Variants in PACRG observed in about 807,000 individuals in gnomAD.
PACRG encodes the protein parkin coregulated.
Under a neutral mutation model 29.7 loss-of-function variants are expected in PACRG, and 29 were observed. The ratio of observed to expected loss-of-function variants is 0.98; its 90% CI spans 0.73 to 1.33. The LOEUF (loss-of-function observed/expected upper bound fraction) is 1.33, where lower values mean the gene tolerates loss of function less well. PACRG is among the 40% of genes most tolerant of loss of function. The probability of loss-of-function intolerance (pLI) is 0.00; values close to 1 mark genes in which losing one functional copy is unlikely to be tolerated. For missense variants in PACRG, 279 were observed against 316.2 expected (o/e 0.88, Z 0.89); for synonymous variants, 116 against 118.7 (o/e 0.98, Z 0.15).
chr6:163,287,804 G>A (rs1481730280), intron 4 of PACRG, among the ~76,000 whole-genome samples: 2 of 152,212 alleles, frequency 1.3e-5, no homozygotes, highest in Admixed American at 6.5e-5. Flanking sequence ...GGCGTGCGCA[G>A]TTGGGAAACC....
chr6:163,114,076 C>A (rs563938496), intron 4 of PACRG, among the ~76,000 whole-genome samples: 1 of 152,224 alleles, frequency 6.6e-6, no homozygotes, highest in African/African-American at 2.4e-5. Flanking sequence ...ATGGCAAAAC[C>A]CTGTCTCTAC....
chr6:162,860,480 C>T (rs935092381), intron 2 of PACRG, among the ~76,000 whole-genome samples: 12 of 152,342 alleles, frequency 7.9e-5, no homozygotes, highest in Admixed American at 7.8e-4. Context: ...TTGAGTCCCA[C>T]TCGCCATGTT....
chr6:162,903,541 G>C (rs1259151575), intron 2 of PACRG, among the ~76,000 whole-genome samples: 1 of 148,164 alleles, frequency 6.7e-6, no homozygotes, highest in Non-Finnish European at 1.5e-5. Flanking sequence ...CCAAGTGAAA[G>C]GGGTTTCCCC....
In PACRG at chr6:162,737,704, C is replaced by T. The variant is rs190503862; in HGVS notation, c.156+9313C>T. Among the ~76,000 whole-genome samples, 3 of 152,022 alleles carry T rather than the reference C, an allele frequency of 2.0e-5. No homozygotes were observed. The East Asian group carries it at 5.8e-4, about 29-fold the overall frequency. ...TTTATTTTAAATTTTAACATTTTAC[C>T]GGTTTAATCTTCCAAATGACCTTTT... On this transcript the variant is annotated intron_variant, in intron 1 of 4. Coordinates refer to ENST00000366888, the MANE Select transcript of PACRG (RefSeq NM_001080379.2).
intron 2 of PACRG, among the ~76,000 whole-genome samples, chr6:162,917,593 A>G (rs1338803125): frequency 1.3e-5 from 2 of 152,170 alleles, no homozygotes; most frequent in Non-Finnish European, 2.9e-5. Flanking sequence ...ATCAGAATGC[A>G]TACCCCATAG....
intron 4 of PACRG, among the ~76,000 whole-genome samples, chr6:163,116,808 C>A (rs73786981): frequency 2.0e-5 from 3 of 152,060 alleles, no homozygotes; most frequent in Non-Finnish European, 2.9e-5. Context: ...GAAGATGATT[C>A]AAAAATGACT....
At chr6:162,730,144 A>C (rs1779649422) in intron 1 of PACRG, among the ~76,000 whole-genome samples, 2 of 149,436 alleles carry the variant, frequency 1.3e-5, no homozygotes, top group South Asian at 4.2e-4. Flanking sequence ...CCCTGCCCTT[A>C]GTACTCCGAG....
chr6:162,757,927 A>G (rs1257332654), intron 1 of PACRG, among the ~76,000 whole-genome samples: 1 of 152,132 alleles, frequency 6.6e-6, no homozygotes, highest in Admixed American at 6.6e-5. Flanking sequence ...GAAAAATACC[A>G]TGTCAAATGA....
At chr6:163,249,133 A>G (rs1782807519) in intron 4 of PACRG, among the ~76,000 whole-genome samples, 1 of 152,180 alleles carries the variant, frequency 6.6e-6, no homozygotes, top group Non-Finnish European at 1.5e-5. Context: ...CCATAACAGA[A>G]TGAGAAACAT....
At chr6:163,134,799 A>G (rs1585253653) in intron 4 of PACRG, among the ~76,000 whole-genome samples, 1 of 152,218 alleles carries the variant, frequency 6.6e-6, no homozygotes, top group Non-Finnish European at 1.5e-5. Context: ...CCAGAAAAAC[A>G]TTGAGACTGA....
At chr6:162,896,631 C>A (rs973612883) in intron 2 of PACRG, among the ~76,000 whole-genome samples, 1 of 152,202 alleles carries the variant, frequency 6.6e-6, no homozygotes, top group Non-Finnish European at 1.5e-5. Context: ...ATATTATAAA[C>A]GTATCCATGT....
In PACRG at chr6:162,941,733, A is replaced by G. The variant is rs117848297; in HGVS notation, c.292-120417A>G. ...TATTTCAAGACATTGTACCCCATAA[A>G]TACATACAATTATAATTTGTTAATT... is the stretch of plus-strand genomic sequence containing the variant. On this transcript the variant is annotated intron_variant, in intron 2 of 4. Transcript: ENST00000366888. Among the ~76,000 whole-genome samples, 48 of 152,320 alleles carry G rather than the reference A, an allele frequency of 3.2e-4. No individual in the cohort carries two copies. In the East Asian group the frequency reaches 7.9e-3, roughly 25 times the overall value.
At chr6:163,279,951 G>A (rs552632072) in intron 4 of PACRG, among the ~76,000 whole-genome samples, 19 of 152,290 alleles carry the variant, frequency 1.2e-4, no homozygotes, top group African/African-American at 3.6e-4. Context: ...CCTGCACTGC[G>A]CATCCTTGTT....
intron 2 of PACRG, among the ~76,000 whole-genome samples, chr6:163,039,194 C>T (rs996394223): frequency 1.3e-5 from 2 of 152,208 alleles, no homozygotes; most frequent in Non-Finnish European, 2.9e-5. Flanking sequence ...CACTCTCTCT[C>T]TCCTGCTGCC....
intron 2 of PACRG, among the ~76,000 whole-genome samples, chr6:163,059,964 A>T (rs1810956345): frequency 6.6e-6 from 1 of 152,212 alleles, no homozygotes; most frequent in South Asian, 2.1e-4. Flanking sequence ...CACTAAGATA[A>T]ATTTAAGTTT....
chr6:163,257,836 G>C (rs1446245996), intron 4 of PACRG, among the ~76,000 whole-genome samples: 1 of 152,142 alleles, frequency 6.6e-6, no homozygotes, highest in Non-Finnish European at 1.5e-5. Flanking sequence ...TTGTGGACAG[G>C]ATTTATATTT....
At chr6:162,871,609 C>G (rs572780046) in intron 2 of PACRG, among the ~76,000 whole-genome samples, 5 of 152,258 alleles carry the variant, frequency 3.3e-5, no homozygotes, top group Non-Finnish European at 7.4e-5. Context: ...AAAACAAGCA[C>G]TTCCACTTAT....
chr6:162,794,705 T>G (rs1367552907), intron 1 of PACRG, among the ~76,000 whole-genome samples: 1 of 152,180 alleles, frequency 6.6e-6, no homozygotes, highest in Non-Finnish European at 1.5e-5. Flanking sequence ...TCCCCATTCA[T>G]CAGCAATGTC....
intron 2 of PACRG, among the ~76,000 whole-genome samples, chr6:162,901,074 T>G (rs925053524): frequency 1.3e-5 from 2 of 152,166 alleles, no homozygotes; most frequent in Non-Finnish European, 2.9e-5. Flanking sequence ...TACAGATACA[T>G]AATACAAACA....
Sources: gnomAD v4.1 joint callset for allele counts (sites outside exome capture counted in the v4.1 genomes callset) on GRCh38, gnomAD v4.1.1 for gene constraint, MANE v1.5 for transcripts, NCBI Gene and HGNC (gene_info 2026-07-23, HGNC 2026-07-21) for gene names.